Variants in BCL11A observed in about 807,000 individuals in gnomAD.
BCL11A encodes BCL11 transcription factor A.
BCL11A carries 2 observed loss-of-function variants against 55.9 expected under a neutral mutation model. That is an observed-to-expected ratio of 0.04 (90% CI 0.01 to 0.11). The LOEUF (loss-of-function observed/expected upper bound fraction) is 0.11. Ranked by LOEUF, BCL11A falls within the 10% of genes least tolerant of loss-of-function variation. The pLI is 1.00. For synonymous variants in BCL11A, 465 were observed against 473.4 expected (o/e 0.98, Z 0.23); for missense variants, 817 against 1,137.1 (o/e 0.72, Z 4.05).
chr2:60,525,436 T>C (rs1669160673), intron 2 of BCL11A: 1 of 152,190 alleles, frequency 6.6e-6, no homozygotes, highest in South Asian at 2.1e-4. Flanking sequence ...GCCTTTAAGC[T>C]TTCTGTTGGG....
intron 2 of BCL11A, among the ~76,000 whole-genome samples, chr2:60,506,290 A>T (rs1460248222): frequency 6.6e-6 from 1 of 152,242 alleles, no homozygotes; most frequent in African/African-American, 2.4e-5. Flanking sequence ...CATCAGAGGA[A>T]GAGTCACCTT....
At chr2:60,462,520 C>T (rs369828094) in intron 3 of BCL11A, 96 bp from the exon 4 acceptor site, 2 of 1,500,218 alleles carry the variant, frequency 1.3e-6, no homozygotes, top group Non-Finnish European at 1.8e-6. Context: ...TCCCTGCCCC[C>T]ACCCCTCAAC....
chr2:60,473,239 TG>T (rs1278166836), intron 2 of BCL11A, among the ~76,000 whole-genome samples: 1 of 131,114 alleles, frequency 7.6e-6, no homozygotes, highest in Non-Finnish European at 1.6e-5. Context: ...ATAATTTCCC[TG>T]TTTTTTTTTT....
chr2:60,530,924 A>G (rs1669425353), intron 2 of BCL11A, among the ~76,000 whole-genome samples: 1 of 152,166 alleles, frequency 6.6e-6, no homozygotes, highest in African/African-American at 2.4e-5. Context: ...TATTCAAGAT[A>G]AACAAAGTGC....
At chr2:60,538,739 C>CTCTGTGTGTG (rs1436371909) in intron 2 of BCL11A, among the ~76,000 whole-genome samples, 10 of 67,530 alleles carry the variant, frequency 1.5e-4, no homozygotes, top group Admixed American at 3.0e-4. Flanking sequence ...CTCTCTCTCT[C>CTCTGTGTGTG]TGTGTGTGTG....
chr2:60,547,179 AAAATCAG>A (rs1208559089), intron 1 of BCL11A, among the ~76,000 whole-genome samples: 1 of 152,198 alleles, frequency 6.6e-6, no homozygotes, highest in African/African-American at 2.4e-5. Flanking sequence ...CTATGATATA[AAAATCAG>A]AATGGTCAAG....
At chr2:60,528,412 A>G (rs1669302200) in intron 2 of BCL11A, 1 of 152,408 alleles carries the variant, frequency 6.6e-6, no homozygotes, top group Non-Finnish European at 1.5e-5. Flanking sequence ...TTCTGGACAG[A>G]TGGGGAAATG....
intron 2 of BCL11A, among the ~76,000 whole-genome samples, chr2:60,514,171 A>T (rs1668619692): frequency 6.6e-6 from 1 of 152,114 alleles, no homozygotes; most frequent in African/African-American, 2.4e-5. Context: ...GAGCTCTGAG[A>T]GGCTTCCAGG....
chr2:60,465,672 C>A (rs1168089554), intron 3 of BCL11A, among the ~76,000 whole-genome samples: 1 of 152,190 alleles, frequency 6.6e-6, no homozygotes, highest in Admixed American at 6.5e-5. Flanking sequence ...CATTTGATTT[C>A]TCTGAGTCTT....
At chr2:60,465,682 T>G (rs1016880089) in intron 3 of BCL11A, among the ~76,000 whole-genome samples, 1 of 152,214 alleles carries the variant, frequency 6.6e-6, no homozygotes, top group Non-Finnish European at 1.5e-5. Context: ...CTCTGAGTCT[T>G]GGAATTCCTA....
chr2:60,479,195 C>T (rs1452434883), intron 2 of BCL11A, among the ~76,000 whole-genome samples: 1 of 152,204 alleles, frequency 6.6e-6, no homozygotes, highest in Non-Finnish European at 1.5e-5. Flanking sequence ...TGTTCCCAGA[C>T]ACCTCCAAGC....
In BCL11A at chr2:60,460,250, T is replaced by G; in HGVS notation, c.*154A>C. 7.1e-7 allele frequency: 1 copy of G among 1,407,196 alleles called. No individual in the cohort carries two copies. The highest frequency in any genetic ancestry group is 9.2e-7 in the Non-Finnish European group (1 of 1,082,708). The allele number at this position is 1,407,196 out of a possible 1,614,324, so 87.2% of individuals were successfully genotyped here. A position where few individuals can be genotyped will look rare whatever the true frequency, so the allele number is the denominator to read the frequency against. ...GCTGGTGACAAGCACTCTCATATTCTTAGCTTCGTTACTTCTGTTTGTTTG... is the reference window on the plus strand; with the variant it reads ...GCTGGTGACAAGCACTCTCATATTCGTAGCTTCGTTACTTCTGTTTGTTTG... On this transcript the variant is annotated 3_prime_UTR_variant, in exon 4 of 4. Transcript: ENST00000642384.
intron 2 of BCL11A, among the ~76,000 whole-genome samples, chr2:60,490,511 C>T (rs1678564658): frequency 6.6e-6 from 1 of 152,224 alleles, no homozygotes; most frequent in Non-Finnish European, 1.5e-5. Flanking sequence ...TCTCTTACCT[C>T]CTGGAATCCT....
At chr2:60,494,702 G>A (rs980761961) in intron 2 of BCL11A, among the ~76,000 whole-genome samples, 19 of 152,296 alleles carry the variant, frequency 1.2e-4, no homozygotes, top group African/African-American at 4.6e-4. Context: ...ATGCTTCATA[G>A]GGTTTGTATG....
chr2:60,536,689 C>G (rs763624627), intron 2 of BCL11A: 32 of 152,202 alleles, frequency 2.1e-4, no homozygotes, highest in African/African-American at 6.5e-4. Context: ...CCTGCCACCC[C>G]CCTGCTGGCA....
At chr2:60,519,896 C>T (rs1301723367) in intron 2 of BCL11A, among the ~76,000 whole-genome samples, 1 of 152,222 alleles carries the variant, frequency 6.6e-6, no homozygotes, top group African/African-American at 2.4e-5. Context: ...CTCAGGAATT[C>T]ATGGCTATGC....
At chr2:60,552,493 C>T (rs1335201323) in intron 1 of BCL11A, among the ~76,000 whole-genome samples, 2 of 152,094 alleles carry the variant, frequency 1.3e-5, no homozygotes, top group Admixed American at 1.3e-4. Context: ...GGGACAAACA[C>T]CCACCTCTGG....
intron 2 of BCL11A, among the ~76,000 whole-genome samples, chr2:60,540,187 T>C (rs1669855031): frequency 6.6e-6 from 1 of 152,056 alleles, no homozygotes; most frequent in Non-Finnish European, 1.5e-5. Context: ...ATGACCCAAA[T>C]GAAATCTGAA....
chr2:60,526,812 C>G (rs1558482281), intron 2 of BCL11A: 1 of 152,236 alleles, frequency 6.6e-6, no homozygotes. Flanking sequence ...TATAATGCGT[C>G]TGATTCATTG....
Sources: allele counts gnomAD v4.1 joint callset (sites outside exome capture counted in the v4.1 genomes callset), GRCh38; gene constraint gnomAD v4.1.1; transcripts MANE v1.5; gene names NCBI Gene and HGNC (gene_info 2026-07-23, HGNC 2026-07-21).